The following ELP6 variants were observed in gnomAD, a reference collection of about 807,000 sequenced individuals.
ELP6 encodes elongator complex protein 6.
A neutral mutation model predicts 28.1 loss-of-function variants in ELP6; 23 were observed. The ratio of observed to expected loss-of-function variants is 0.82; its 90% CI spans 0.59 to 1.16. The LOEUF (loss-of-function observed/expected upper bound fraction) is 1.16, where lower values mean the gene tolerates loss of function less well. Ranked by LOEUF, ELP6 falls within the 50% of genes most tolerant of loss-of-function variation. The pLI is 0.00. For synonymous variants in ELP6, 132 were observed against 135.8 expected, an observed-to-expected ratio of 0.97 and a Z score of 0.19; for missense variants, 313 against 334.6, an observed-to-expected ratio of 0.94 and a Z score of 0.50.
chr3:47,499,545 G>T (rs560162775), intron 5 of ELP6, among the ~76,000 whole-genome samples: 1 of 147,986 alleles, frequency 6.8e-6, no homozygotes, highest in African/African-American at 2.5e-5. Flanking sequence ...AAAGCCAGGC[G>T]TGGTGGCAGG....
At chr3:47,499,224 T>C (rs952630159) in intron 5 of ELP6, among the ~76,000 whole-genome samples, 1 of 151,846 alleles carries the variant, frequency 6.6e-6, no homozygotes, top group Non-Finnish European at 1.5e-5. Context: ...TTTTAAAGAA[T>C]AGTAATAAAA....
chr3:47,512,547 TC>T (rs1709044979), intron 1 of ELP6: 2 of 951,412 alleles, frequency 2.1e-6, no homozygotes, highest in South Asian at 9.7e-5. Flanking sequence ...CGAGACTCCA[TC>T]AAAAATAAAT....
chr3:47,497,002 C>T lies in ELP6; in HGVS notation c.673-805G>A, dbSNP rs957648393. 4.1e-6 allele frequency: 4 copies of T among 985,346 alleles called. No homozygotes were observed. The South Asian group carries it at 1.4e-4, about 35-fold the overall frequency. The allele number at this position is 985,346 out of a possible 1,614,324, so 61.0% of individuals were successfully genotyped here. A position where few individuals can be genotyped will look rare whatever the true frequency, so the allele number is the denominator to read the frequency against. ...ACCTTCTCCTCAGGCCCTGCTGCAG[C>T]ACTACACACATAGTACTGCTGGGCT... On this transcript the variant is annotated intron_variant, in intron 6 of 6. Coordinates refer to ENST00000296149, the MANE Select transcript of ELP6 (RefSeq NM_001031703.3).
chr3:47,512,639 G>A (rs1026753884), intron 1 of ELP6: 58 of 985,342 alleles, frequency 5.9e-5, no homozygotes, highest in Non-Finnish European at 6.9e-5. Context: ...AAGGTACCCC[G>A]GAGTGTGAGG....
At position 47,501,382 on chromosome 3, in the gene ELP6, C is replaced by T. The variant is rs76275734; in HGVS notation, c.525+268G>A. 2.6e-4 allele frequency: 127 copies of T among 488,570 alleles called. No homozygotes were observed. The East Asian group carries it at 4.6e-3, about 18-fold the overall frequency. 30.3% of individuals were successfully genotyped at this position (488,570 alleles called of 1,614,324 possible). On this transcript the variant is annotated intron_variant, in intron 5 of 6. Transcript: ENST00000296149. ...AATAACTTGCCCCAGGACACACAGG[C>T]TATTCTGACAGACCTGGGACTGCAG...
In ELP6 at chr3:47,501,704, C is replaced by T; in HGVS notation, c.471G>A (p.Val157=). ...AGTAGTGAATGAAGTCTAGCACAGC[C>T]ACCGCCCCCATGCCCAGGCTCAGGA... is the stretch of plus-strand genomic sequence containing the variant. ...SVLLSLGMGA[V]AVLDFIHYCR... is the part of the protein sequence containing the mutation. Residue 157 remains valine, a synonymous_variant, in exon 5 of 7, where the codon GTG becomes GTA. Transcript: ENST00000296149. 6.2e-7 allele frequency: 1 copy of T among 1,614,062 alleles called. No homozygotes were observed. Among genetic ancestry groups the T allele is most frequent in the South Asian group, 1.1e-5 (1 of 91,054 alleles).
In ELP6 at chr3:47,495,982, A is replaced by G; in HGVS notation, c.*87T>C. ...CCGGTCCAGCCTGAAATATTACTAC[A>G]GAGGAGAAAGACCCATTCTTGCTAT... On this transcript the variant is annotated 3_prime_UTR_variant, in exon 7 of 7. Coordinates refer to ENST00000296149, the MANE Select transcript of ELP6 (RefSeq NM_001031703.3). 4.4e-6 allele frequency: 7 copies of G among 1,602,882 alleles called. No homozygotes were observed. Among genetic ancestry groups the G allele is most frequent in the Non-Finnish European group, 6.0e-6 (7 of 1,175,454 alleles).
At chr3:47,509,149 A>G (rs1708936456) in intron 3 of ELP6, among the ~76,000 whole-genome samples, 1 of 151,444 alleles carries the variant, frequency 6.6e-6, no homozygotes, top group African/African-American at 2.4e-5. Context: ...TTTAGTAGAG[A>G]TGGGGTTTTG....
At chr3:47,509,275 T>C (rs1004544191) in intron 3 of ELP6, among the ~76,000 whole-genome samples, 1 of 152,152 alleles carries the variant, frequency 6.6e-6, no homozygotes, top group Non-Finnish European at 1.5e-5. Flanking sequence ...GACTGGCATT[T>C]TAAAGATCAC....
chr3:47,509,410 G>T (rs905600966), intron 3 of ELP6, among the ~76,000 whole-genome samples: 2 of 152,204 alleles, frequency 1.3e-5, no homozygotes, highest in East Asian at 3.9e-4. Context: ...AATGTCCCAG[G>T]CTAGGTCAAG....
At chr3:47,512,413 G>T in intron 1 of ELP6, 1 of 168,068 alleles carries the variant, frequency 5.9e-6, no homozygotes, top group Non-Finnish European at 1.2e-5. Flanking sequence ...TTAGCCCGGT[G>T]TGGTAGCGCA....
chr3:47,499,148 C>A (rs1465409227), intron 5 of ELP6, among the ~76,000 whole-genome samples: 1 of 152,142 alleles, frequency 6.6e-6, no homozygotes, highest in African/African-American at 2.4e-5. Flanking sequence ...GAGGCCAAGG[C>A]GGGAGGATCA....
chr3:47,507,379 A>C (rs888879800), intron 3 of ELP6, among the ~76,000 whole-genome samples: 1 of 124,156 alleles, frequency 8.1e-6, no homozygotes, highest in Non-Finnish European at 1.8e-5. Flanking sequence ...AAAAAAAAAA[A>C]CAAAAGCAGA....
chr3:47,511,225 C>T lies in ELP6; in HGVS notation c.56G>A (p.Gly19Glu), dbSNP rs761602538. 6.2e-7 allele frequency: 1 copy of T among 1,613,898 alleles called. No homozygotes were observed. Among genetic ancestry groups the T allele is most frequent in the South Asian group, 1.1e-5 (1 of 91,064 alleles). ...GGCATCACAGAGTAGAGTCAGTTTCCCCTAAAAGTTACAAGGAACACAAAA... is the reference window on the plus strand; with the variant it reads ...GGCATCACAGAGTAGAGTCAGTTTCTCCTAAAAGTTACAAGGAACACAAAA... Reference protein sequence around the residue: ...LNTTPDRAEQGKLTLLCDAKT... With the variant: ...LNTTPDRAEQEKLTLLCDAKT... The change falls in exon 2 of 7, where the codon GGG (glycine) becomes GAG (glutamate). Residue 19 changes from glycine (G) to glutamate (E), a missense_variant and splice_region_variant. Physicochemically the swap from Gly to Glu is moderately conservative, Grantham distance 98. Transcript: ENST00000296149.
intron 1 of ELP6, chr3:47,512,986 A>C: frequency 1.0e-6 from 1 of 965,880 alleles, no homozygotes; most frequent in Non-Finnish European, 1.2e-6. Flanking sequence ...CATGCTTCCC[A>C]GGTACTTTTT....
At chr3:47,496,551 A>G in intron 6 of ELP6, 11 of 909,646 alleles carry the variant, frequency 1.2e-5, no homozygotes, top group Non-Finnish European at 1.4e-5. Context: ...GCTGGAGTGC[A>G]GTGGCGCAAT....
chr3:47,499,890 C>T lies in ELP6; in HGVS notation c.526-1458G>A, dbSNP rs1201943916. The T allele has an allele frequency of 1.1e-5, 14 of 1,274,774 alleles. No individual in the cohort carries two copies. The South Asian group carries it at 1.5e-4, about 14-fold the overall frequency. The allele number at this position is 1,274,774 out of a possible 1,614,324, so 79.0% of individuals were successfully genotyped here. ...GAGAAGCTGCAGTGGGACCCGGAGGCGAAGCATATGGAGGTGGAGGACGTG... is the reference window on the plus strand; with the variant it reads ...GAGAAGCTGCAGTGGGACCCGGAGGTGAAGCATATGGAGGTGGAGGACGTG... On this transcript the variant is annotated intron_variant, in intron 5 of 6. Coordinates refer to ENST00000296149, the MANE Select transcript of ELP6 (RefSeq NM_001031703.3).
intron 4 of ELP6, among the ~76,000 whole-genome samples, chr3:47,504,032 T>C (rs1202899734): frequency 6.6e-6 from 1 of 152,242 alleles, no homozygotes; most frequent in East Asian, 1.9e-4. Context: ...GTCTCCACTG[T>C]TGCAGAGCAC....
Position 47,511,161 on chromosome 3 carries a change from G to A in ELP6, c.120C>T (p.Ser40=), listed in dbSNP as rs749619300. 3.7e-6 allele frequency: 6 copies of A among 1,613,902 alleles called. No individual in the cohort carries two copies. Among genetic ancestry groups the A allele is most frequent in the Non-Finnish European group, 5.1e-6 (6 of 1,179,858 alleles). Residue 40 remains serine, a synonymous_variant, in exon 2 of 7, where the codon TCC becomes TCT. Coordinates refer to ENST00000296149, the MANE Select transcript of ELP6 (RefSeq NM_001031703.3). ...TGAGTCCCATACCTTTGAGATAGAA[G>A]GAGAGAAAGTGGTGTACAAGGAAAC... ...DGSFLVHHFL[S]FYLKANCKVC...
Sources: allele counts gnomAD v4.1 joint callset (sites outside exome capture counted in the v4.1 genomes callset), GRCh38; gene constraint gnomAD v4.1.1; transcripts MANE v1.5; gene names NCBI Gene and HGNC (gene_info 2026-07-23, HGNC 2026-07-21).